Variants in SCNN1B observed in about 807,000 individuals in gnomAD.
The protein encoded by SCNN1B is epithelial sodium channel subunit beta.
A neutral mutation model predicts 65.3 loss-of-function variants in SCNN1B; 46 were observed. The ratio of observed to expected loss-of-function variants is 0.70; its 90% CI spans 0.56 to 0.90. SCNN1B has a LOEUF of 0.90. Ranked by LOEUF, SCNN1B falls within the 40% of genes least tolerant of loss-of-function variation. SCNN1B has a pLI of 0.00. For synonymous variants in SCNN1B, 349 were observed against 330.6 expected (o/e 1.06, Z -0.60); for missense variants, 751 against 830.5 (o/e 0.90, Z 1.18).
intron 4 of SCNN1B, among the ~76,000 whole-genome samples, chr16:23,365,529 AAG>A (rs1196759839): frequency 2.1e-5 from 3 of 141,250 alleles, no homozygotes; most frequent in Admixed American, 7.1e-5. Flanking sequence ...AAAAGAGAGA[AAG>A]AGAGAAGGAA....
chr16:23,297,910 A>G (rs1047530697), upstream of SCNN1B, among the ~76,000 whole-genome samples: 2 of 151,732 alleles, frequency 1.3e-5, no homozygotes, highest in African/African-American at 2.4e-5. Flanking sequence ...GGTGTCCCCA[A>G]CTCTCCCACA....
intron 1 of SCNN1B, among the ~76,000 whole-genome samples, chr16:23,327,660 A>C (rs1028809715): frequency 3.9e-5 from 6 of 152,260 alleles, no homozygotes; most frequent in African/African-American, 1.4e-4. Flanking sequence ...TCTTGCCATG[A>C]GTGTCTGTAT....
chr16:23,380,036 GTC>G lies in SCNN1B; in HGVS notation c.1467-56_1467-55del. The G allele has an allele frequency of 1.6e-6, 2 of 1,266,364 alleles. No homozygotes were observed. Among genetic ancestry groups the G allele is most frequent in the Non-Finnish European group, 2.3e-6 (2 of 863,010 alleles). 78.4% of individuals were successfully genotyped at this position (1,266,364 alleles called of 1,614,324 possible). A position where few individuals can be genotyped will look rare whatever the true frequency, so the allele number is the denominator to read the frequency against. On this transcript the variant is annotated intron_variant, in intron 11 of 12. Coordinates refer to ENST00000343070, the MANE Select transcript of SCNN1B (RefSeq NM_000336.3). The surrounding 1 kb of genome is among the most constrained non-coding windows in gnomAD (Gnocchi z 5.4). ...CATGTGTCTATGTGCGTGTGTGTGT[GTC>G]TGTCTGTTTGGAAGGGGGATACATT...
chr16:23,380,738 T>C lies in SCNN1B; in HGVS notation c.1860T>C (p.Tyr620=), dbSNP rs755241585. Residue 620 remains tyrosine (Y), a synonymous_variant, in exon 13 of 13, where the codon TAT becomes TAC. Transcript: ENST00000343070. The surrounding 1 kb of genome is among the most constrained non-coding windows in gnomAD (Gnocchi z 5.4). ...TCCCAGGCACCCCGCCCCCCAACTA[T>C]GACTCCCTGCGTCTGCAGCCGCTGG... The part of the protein sequence containing the change: ...LPIPGTPPPN[Y]DSLRLQPLDV... 5.6e-6 allele frequency: 9 copies of C among 1,612,462 alleles called. No individual in the cohort carries two copies. The highest frequency in any genetic ancestry group is 7.6e-6 in the Non-Finnish European group (9 of 1,179,786).
intron 1 of SCNN1B, chr16:23,283,696 A>G (rs1468282169): frequency 6.6e-6 from 1 of 152,148 alleles, no homozygotes; most frequent in Admixed American, 6.5e-5. Flanking sequence ...CAAATAGAGG[A>G]AATTTGATAC....
Position 23,377,371 on chromosome 16 carries a change from T to G in SCNN1B, c.1389T>G (p.Pro463=), listed in dbSNP as rs1416069388. ...YKMTISMADW[P]SEASEDWIFH... is the part of the protein sequence containing the mutation. ...TGACCATCTCCATGGCTGACTGGCC[T>G]TCTGAGGCCTCCGAGGTGAGACAGT... is the stretch of plus-strand genomic sequence containing the variant. Residue 463 remains proline (P), a synonymous_variant, in exon 10 of 13, where the codon CCT becomes CCG. Coordinates refer to ENST00000343070, the MANE Select transcript of SCNN1B (RefSeq NM_000336.3). The G allele has an allele frequency of 6.2e-7, 1 of 1,614,186 alleles. No individual in the cohort carries two copies. The highest frequency in any genetic ancestry group is 8.5e-7 in the Non-Finnish European group (1 of 1,180,012).
chr16:23,373,204 G>C (rs962227409), intron 7 of SCNN1B, among the ~76,000 whole-genome samples: 1 of 152,102 alleles, frequency 6.6e-6, no homozygotes, highest in Non-Finnish European at 1.5e-5. Flanking sequence ...CTGCAGCCTC[G>C]AACTCTTGGA....
In SCNN1B at chr16:23,381,266, C is replaced by T. The variant is rs72654360; in HGVS notation, c.*465C>T. Reference sequence around the variant, plus strand: ...ACCCTGCCAAGTGGCACCTGATTTACTCTAGAAAATAAAAGTAGAAAATAC... The same window carrying T: ...ACCCTGCCAAGTGGCACCTGATTTATTCTAGAAAATAAAAGTAGAAAATAC... On this transcript the variant is annotated 3_prime_UTR_variant, in exon 13 of 13. Transcript: ENST00000343070. The T allele has an allele frequency of 3.1e-4, 56 of 183,096 alleles. No individual in the cohort carries two copies. The highest frequency in any genetic ancestry group is 1.3e-3 in the African/African-American group (54 of 42,264). The allele number at this position is 183,096 out of a possible 1,614,324, so 11.3% of individuals were successfully genotyped here. A position where few individuals can be genotyped will look rare whatever the true frequency, so the allele number is the denominator to read the frequency against.
rs28453143 is a variant in SCNN1B, at chr16:23,343,615, G to A, written c.-8-4977G>A. Among the ~76,000 whole-genome samples the A allele has an allele frequency of 2.9e-4, 31 of 106,836 alleles. No homozygotes were observed. In the South Asian group the frequency reaches 5.2e-3, roughly 18 times the overall value. 70.1% of individuals were successfully genotyped at this position (106,836 alleles called of 152,430 possible). The stretch of plus-strand genomic sequence containing the variant: ...AGAAAGAAAGAAAGAAAGAAAGAAA[G>A]AAAGAAAGAAAGAAAGAAAGAAAGA... On this transcript the variant is annotated intron_variant, in intron 1 of 12. Transcript: ENST00000343070.
Position 23,348,444 on chromosome 16 carries a change from G to T in SCNN1B, c.-8-148G>T. The T allele has an allele frequency of 1.5e-6, 1 of 656,502 alleles. No homozygotes were observed. Among genetic ancestry groups the T allele is most frequent in the Non-Finnish European group, 2.6e-6 (1 of 391,760 alleles). The allele number at this position is 656,502 out of a possible 1,614,324, so 40.7% of individuals were successfully genotyped here. A position where few individuals can be genotyped will look rare whatever the true frequency, so the allele number is the denominator to read the frequency against. ...CAGATAGCCAAAGGAAGGAAGAAAA[G>T]AAGGAAAAAAGGGAGGGAGGGAGGG... On this transcript the variant is annotated intron_variant, in intron 1 of 12. Transcript: ENST00000343070. This position sits in a 1 kb window ranked among gnomAD's most constrained non-coding sequence, Gnocchi z 4.5.
chr16:23,373,154 T>C (rs1231649699), intron 7 of SCNN1B, among the ~76,000 whole-genome samples: 1 of 152,166 alleles, frequency 6.6e-6, no homozygotes, highest in Non-Finnish European at 1.5e-5. Flanking sequence ...GGTCTTGCTC[T>C]GTTACCCAGG....
intron 2 of SCNN1B, among the ~76,000 whole-genome samples, chr16:23,286,438 C>A (rs1960852071): frequency 6.6e-6 from 1 of 152,240 alleles, no homozygotes; most frequent in African/African-American, 2.4e-5. Flanking sequence ...ATGGAAGGAT[C>A]TGGTTGTCAC....
intron 3 of SCNN1B, among the ~76,000 whole-genome samples, chr16:23,354,033 C>T (rs1962366272): frequency 6.6e-6 from 1 of 152,194 alleles, no homozygotes; most frequent in African/African-American, 2.4e-5. Flanking sequence ...GGGGACCATA[C>T]ACTCCCCAGA....
chr16:23,291,055 C>T (rs1247060895), intron 2 of SCNN1B, among the ~76,000 whole-genome samples: 5 of 143,250 alleles, frequency 3.5e-5, no homozygotes, highest in Non-Finnish European at 5.9e-5. Flanking sequence ...TCTTCTTTAC[C>T]ACATTTTTTT....
chr16:23,300,624 C>A (rs1961061533), upstream of SCNN1B, among the ~76,000 whole-genome samples: 3 of 151,902 alleles, frequency 2.0e-5, no homozygotes, highest in South Asian at 6.2e-4. Context: ...TTGCTTGAGG[C>A]CAGGTATTTG....
At chr16:23,318,343 T>C (rs1240875396) in intron 1 of SCNN1B, among the ~76,000 whole-genome samples, 1 of 152,192 alleles carries the variant, frequency 6.6e-6, no homozygotes, top group Non-Finnish European at 1.5e-5. Context: ...GCACAGTGGC[T>C]CATGCCTGTA....
upstream of SCNN1B, among the ~76,000 whole-genome samples, chr16:23,302,108 G>A (rs965329150): frequency 5.3e-5 from 8 of 152,168 alleles, no homozygotes; most frequent in African/African-American, 1.9e-4. Context: ...GGTGGGGAGG[G>A]AGAATGCGGA....
At chr16:23,356,389 C>T (rs1008353914) in intron 4 of SCNN1B, among the ~76,000 whole-genome samples, 3 of 151,850 alleles carry the variant, frequency 2.0e-5, no homozygotes, top group African/African-American at 7.3e-5. Context: ...CTTTGGGAGG[C>T]TAAGGCAGGA....
At chr16:23,345,001 G>T (rs897630652) in intron 1 of SCNN1B, among the ~76,000 whole-genome samples, 2 of 146,606 alleles carry the variant, frequency 1.4e-5, no homozygotes, top group African/African-American at 5.4e-5. Context: ...CGAGAGAGAG[G>T]AGAGAGAAAG....
Sources: gnomAD v4.1 joint callset for allele counts (sites outside exome capture counted in the v4.1 genomes callset) on GRCh38, gnomAD v4.1.1 for gene constraint, Gnocchi (gnomAD v3.1) non-coding constraint, MANE v1.5 for transcripts, NCBI Gene and HGNC (gene_info 2026-07-23, HGNC 2026-07-21) for gene names.